Variants in MALRD1 observed in about 807,000 individuals in gnomAD.
MALRD1 encodes MAM and LDL-receptor class A domain-containing protein 1.
A neutral mutation model predicts 242.1 loss-of-function variants in MALRD1; 247 were observed. The observed-to-expected ratio is 1.02, with a 90% CI of 0.92 to 1.13. The LOEUF (loss-of-function observed/expected upper bound fraction) is 1.13. MALRD1 is among the 50% of genes most tolerant of loss of function. MALRD1 has a pLI of 0.00. For synonymous variants in MALRD1, 995 were observed against 866.6 expected, an observed-to-expected ratio of 1.15 and a Z score of -2.60; for missense variants, 2,989 against 2,533.1, an observed-to-expected ratio of 1.18 and a Z score of -3.86.
chr10:19,719,207 T>TACACAC (rs1172128840), intron 38 of MALRD1, among the ~76,000 whole-genome samples: 22 of 67,376 alleles, frequency 3.3e-4, no homozygotes, highest in East Asian at 8.3e-4. Context: ...TATATATATA[T>TACACAC]ATATACACAT....
chr10:19,449,648 A>G (rs1299664232), intron 28 of MALRD1, among the ~76,000 whole-genome samples: 4 of 152,166 alleles, frequency 2.6e-5, no homozygotes, highest in African/African-American at 4.8e-5. Flanking sequence ...GGGCATATAT[A>G]CAGACCCGGT....
chr10:19,706,420 G>A (rs1008309531), intron 38 of MALRD1, among the ~76,000 whole-genome samples: 3 of 151,882 alleles, frequency 2.0e-5, no homozygotes, highest in African/African-American at 2.4e-5. Flanking sequence ...CTCTGCCCCC[G>A]CCCCCCTTGG....
At chr10:19,285,534 C>T (rs1011660779) in intron 21 of MALRD1, among the ~76,000 whole-genome samples, 1 of 151,818 alleles carries the variant, frequency 6.6e-6, no homozygotes, top group Admixed American at 6.6e-5. Flanking sequence ...GCTTGTTTTT[C>T]TCAGGTTCGT....
chr10:19,474,335 G>A (rs1446378902), intron 29 of MALRD1, among the ~76,000 whole-genome samples: 2 of 152,080 alleles, frequency 1.3e-5, no homozygotes, highest in African/African-American at 4.8e-5. Flanking sequence ...AGAAACATTT[G>A]TAAATTTATC....
chr10:19,703,014 C>A (rs1339902717), intron 38 of MALRD1, among the ~76,000 whole-genome samples: 1 of 152,142 alleles, frequency 6.6e-6, no homozygotes, highest in Non-Finnish European at 1.5e-5. Flanking sequence ...GATTTGATTT[C>A]CTGGATTTTA....
At chr10:19,204,102 G>T (rs972361411) in intron 15 of MALRD1, among the ~76,000 whole-genome samples, 1 of 152,146 alleles carries the variant, frequency 6.6e-6, no homozygotes, top group African/African-American at 2.4e-5. Context: ...AATTACCAAT[G>T]GTCTTTGGTA....
intron 24 of MALRD1, among the ~76,000 whole-genome samples, chr10:19,333,335 C>T (rs768044160): frequency 6.6e-5 from 10 of 151,982 alleles, no homozygotes; most frequent in Admixed American, 1.3e-4. Context: ...TCTTATTGTT[C>T]CCATGTTTAT....
At chr10:19,354,521 C>G (rs1049881653) in intron 26 of MALRD1, among the ~76,000 whole-genome samples, 2 of 152,042 alleles carry the variant, frequency 1.3e-5, no homozygotes, top group Non-Finnish European at 2.9e-5. Flanking sequence ...CTTTATCTCC[C>G]CATCCCCACT....
At chr10:19,399,841 A>T (rs1564307339) in intron 28 of MALRD1, among the ~76,000 whole-genome samples, 2 of 152,180 alleles carry the variant, frequency 1.3e-5, no homozygotes, top group African/African-American at 4.8e-5. Context: ...ATATTTTCTG[A>T]TAATCTGTTG....
At chr10:19,157,741 A>T (rs1834225976) in intron 12 of MALRD1, among the ~76,000 whole-genome samples, 1 of 152,188 alleles carries the variant, frequency 6.6e-6, no homozygotes, top group Non-Finnish European at 1.5e-5. Context: ...TGATATGATT[A>T]AAGCCTTCAT....
chr10:19,687,436 G>A (rs1195690224), intron 36 of MALRD1, among the ~76,000 whole-genome samples: 1 of 152,086 alleles, frequency 6.6e-6, no homozygotes, highest in Non-Finnish European at 1.5e-5. Flanking sequence ...AACCCACTTA[G>A]CCACTCAGCT....
chr10:19,732,150 A>G (rs1835321145), intron 39 of MALRD1, among the ~76,000 whole-genome samples: 1 of 152,242 alleles, frequency 6.6e-6, no homozygotes, highest in South Asian at 2.1e-4. Context: ...GACCTACTTC[A>G]TGGATAAAAA....
chr10:19,519,473 G>A (rs1255683351), intron 31 of MALRD1, among the ~76,000 whole-genome samples: 1 of 152,010 alleles, frequency 6.6e-6, no homozygotes, highest in African/African-American at 2.4e-5. Context: ...AAAATAATTT[G>A]GTTCTAGACT....
chr10:19,296,109 G>A (rs976579587), intron 21 of MALRD1, among the ~76,000 whole-genome samples: 1 of 152,008 alleles, frequency 6.6e-6, no homozygotes, highest in African/African-American at 2.4e-5. Flanking sequence ...TGCAAGGGTG[G>A]GCCGCCAACT....
chr10:19,100,292 G>A (rs1341701077), intron 4 of MALRD1, among the ~76,000 whole-genome samples: 1 of 152,058 alleles, frequency 6.6e-6, no homozygotes, highest in Non-Finnish European at 1.5e-5. Context: ...TAGGCTAGGG[G>A]ACTCAAATGG....
At chr10:19,116,706 C>G (rs1333510578) in intron 5 of MALRD1, among the ~76,000 whole-genome samples, 1 of 152,160 alleles carries the variant, frequency 6.6e-6, no homozygotes, top group East Asian at 1.9e-4. Flanking sequence ...GTTGGCAAAG[C>G]CTTATTCCAC....
chr10:19,185,662 AC>A (rs1835706404), intron 14 of MALRD1, among the ~76,000 whole-genome samples: 1 of 152,208 alleles, frequency 6.6e-6, no homozygotes, highest in Admixed American at 6.5e-5. Flanking sequence ...GTGTGTTGAT[AC>A]TTTGCAAGCC....
At chr10:19,609,651 A>G (rs541429916) in intron 35 of MALRD1, among the ~76,000 whole-genome samples, 11 of 152,204 alleles carry the variant, frequency 7.2e-5, no homozygotes, top group Non-Finnish European at 1.6e-4. Context: ...GTTGCAGGCT[A>G]CATATATTTC....
chr10:19,585,328 C>G (rs1000656081), intron 33 of MALRD1, among the ~76,000 whole-genome samples: 3 of 151,828 alleles, frequency 2.0e-5, no homozygotes, highest in African/African-American at 7.3e-5. Flanking sequence ...TCTCGATGGT[C>G]TTTACATTTT....
Sources: allele counts gnomAD v4.1 joint callset (sites outside exome capture counted in the v4.1 genomes callset), GRCh38; gene constraint gnomAD v4.1.1; transcripts MANE v1.5; gene names NCBI Gene and HGNC (gene_info 2026-07-23, HGNC 2026-07-21).